GALNT7: variants seen among roughly 807,000 people sequenced by gnomAD.
GALNT7 encodes polypeptide N-acetylgalactosaminyltransferase 7.
In GALNT7, 60 loss-of-function variants were observed where a neutral mutation model predicts 82.1. The observed-to-expected ratio is 0.73, with a 90% confidence interval of 0.59 to 0.91. GALNT7 has a LOEUF of 0.91. Ranked by LOEUF, GALNT7 falls within the 40% of genes least tolerant of loss-of-function variation. The pLI is 0.00. For synonymous variants in GALNT7, 243 were observed against 275.1 expected (o/e 0.88, Z 1.15); for missense variants, 660 against 804.2 (o/e 0.82, Z 2.17).
At chr4:173,225,949 C>T (rs1733812538) in intron 1 of GALNT7, among the ~76,000 whole-genome samples, 1 of 152,144 alleles carries the variant, frequency 6.6e-6, no homozygotes. Flanking sequence ...TGTTCAAAGT[C>T]CTTCCAATTT....
intron 2 of GALNT7, among the ~76,000 whole-genome samples, chr4:173,272,661 G>A (rs1030505211): frequency 2.0e-5 from 3 of 152,258 alleles, no homozygotes; most frequent in African/African-American, 4.8e-5. Context: ...GTAGACTACC[G>A]CAATAATTTT....
intron 5 of GALNT7, 157 bp from the exon 6 acceptor site, chr4:173,297,958 C>A: frequency 6.8e-7 from 1 of 1,477,892 alleles, no homozygotes; most frequent in South Asian, 1.4e-5. Context: ...CAAAAGAAAA[C>A]ATAAAACTGA....
intron 1 of GALNT7, among the ~76,000 whole-genome samples, chr4:173,176,059 C>T (rs529991709): frequency 4.6e-5 from 7 of 151,000 alleles, no homozygotes; most frequent in East Asian, 3.9e-4. Context: ...GGCAACAAAA[C>T]GAGACTCCAT....
chr4:173,220,098 G>T (rs1287640297), intron 1 of GALNT7, among the ~76,000 whole-genome samples: 2 of 152,092 alleles, frequency 1.3e-5, no homozygotes, highest in African/African-American at 4.8e-5. Flanking sequence ...AGTTTTCCCA[G>T]GGTTATCTTC....
intron 8 of GALNT7, among the ~76,000 whole-genome samples, chr4:173,308,109 G>A (rs750878178): frequency 6.6e-6 from 1 of 152,206 alleles, no homozygotes; most frequent in Non-Finnish European, 1.5e-5. Context: ...CCTGTCCTAT[G>A]TAGATATTCT....
intron 1 of GALNT7, among the ~76,000 whole-genome samples, chr4:173,173,754 A>G (rs1313273703): frequency 3.9e-5 from 6 of 152,240 alleles, no homozygotes; most frequent in Non-Finnish European, 8.8e-5. Context: ...TGCAAATGCA[A>G]CTTTAGTCAA....
intron 3 of GALNT7, among the ~76,000 whole-genome samples, chr4:173,294,972 C>T (rs1342538998): frequency 6.6e-6 from 1 of 152,094 alleles, no homozygotes; most frequent in Non-Finnish European, 1.5e-5. Flanking sequence ...ATAACCTATA[C>T]CCTGTGTGGA....
chr4:173,321,556 C>G (rs749756064), intron 11 of GALNT7, 24 bp from the exon 12 acceptor site: 3 of 1,597,392 alleles, frequency 1.9e-6, no homozygotes, highest in South Asian at 1.1e-5. Context: ...AAATTTGAAA[C>G]TTTTTTCTTA....
At position 173,182,817 on chromosome 4, in the gene GALNT7, T is replaced by TACACACACACAC. The variant is rs66792322; in HGVS notation, c.126+13872_126+13883dup. Among the ~76,000 whole-genome samples the TACACACACACAC allele has an allele frequency of 2.9e-3, 386 of 134,920 alleles. 1 individual carries two copies. Among genetic ancestry groups the TACACACACACAC allele is most frequent in the African/African-American group, 0.01 (358 of 34,554 alleles). 88.5% of individuals were successfully genotyped at this position (134,920 alleles called of 152,430 possible). A position where few individuals can be genotyped will look rare whatever the true frequency, so the allele number is the denominator to read the frequency against. ...GATGAGGCTAGTAGGTTACTCATAA[T>TACACACACACAC]ACACACACACACACACACACACACA... is the stretch of plus-strand genomic sequence containing the variant. On this transcript the variant is annotated intron_variant, in intron 1 of 11. Transcript: ENST00000265000.
intron 1 of GALNT7, among the ~76,000 whole-genome samples, chr4:173,227,651 G>A (rs935226093): frequency 2.0e-5 from 3 of 152,152 alleles, no homozygotes; most frequent in African/African-American, 7.2e-5. Context: ...TTATAAGGAT[G>A]TGTGCCTCTT....
intron 1 of GALNT7, among the ~76,000 whole-genome samples, chr4:173,201,776 C>T (rs1277983642): frequency 2.0e-5 from 3 of 152,186 alleles, no homozygotes; most frequent in African/African-American, 7.2e-5. Context: ...AATAATGCAT[C>T]GGCCAGGTTG....
At chr4:173,171,605 C>T (rs1731875892) in intron 1 of GALNT7, among the ~76,000 whole-genome samples, 1 of 152,218 alleles carries the variant, frequency 6.6e-6, no homozygotes, top group Admixed American at 6.5e-5. Flanking sequence ...CCTGTGGAGT[C>T]AAGACAAAAG....
chr4:173,264,490 A>G (rs1735405459), intron 2 of GALNT7, among the ~76,000 whole-genome samples: 2 of 152,174 alleles, frequency 1.3e-5, no homozygotes, highest in African/African-American at 4.8e-5. Context: ...CTTCCGTATT[A>G]TCCTCTGAGT....
intron 1 of GALNT7, among the ~76,000 whole-genome samples, chr4:173,246,732 A>C (rs568655239): frequency 6.6e-6 from 1 of 152,296 alleles, no homozygotes; most frequent in East Asian, 1.9e-4. Context: ...TCATACTTAG[A>C]GACTTACTTT....
intron 1 of GALNT7, among the ~76,000 whole-genome samples, chr4:173,182,256 T>C (rs997774716): frequency 2.6e-5 from 4 of 152,142 alleles, no homozygotes; most frequent in African/African-American, 9.7e-5. Context: ...TAAAAGGAAG[T>C]TGTAAGTGTC....
chr4:173,223,387 CT>C (rs1733703316), intron 1 of GALNT7, among the ~76,000 whole-genome samples: 2 of 152,064 alleles, frequency 1.3e-5, no homozygotes, highest in Admixed American at 1.3e-4. Flanking sequence ...AAGATATAAC[CT>C]GAGTTATACC....
chr4:173,256,022 C>T (rs1278571130), intron 2 of GALNT7, among the ~76,000 whole-genome samples: 1 of 152,138 alleles, frequency 6.6e-6, no homozygotes, highest in Non-Finnish European at 1.5e-5. Flanking sequence ...CATAGATTTC[C>T]TCTTGCATAT....
At chr4:173,290,918 G>A (rs1189564196) in intron 2 of GALNT7, among the ~76,000 whole-genome samples, 1 of 152,074 alleles carries the variant, frequency 6.6e-6, no homozygotes, top group Non-Finnish European at 1.5e-5. Flanking sequence ...CCCAAATGGA[G>A]GTCCCTAGGA....
At chr4:173,307,348 G>A (rs1276778060) in intron 8 of GALNT7, among the ~76,000 whole-genome samples, 3 of 152,214 alleles carry the variant, frequency 2.0e-5, no homozygotes, top group East Asian at 1.9e-4. Context: ...CAGATATTTC[G>A]CTACTGTATT....
Sources: allele counts gnomAD v4.1 joint callset (sites outside exome capture counted in the v4.1 genomes callset), GRCh38; gene constraint gnomAD v4.1.1; transcripts MANE v1.5; gene names NCBI Gene and HGNC (gene_info 2026-07-23, HGNC 2026-07-21).